DYNC1H1: variants seen among roughly 807,000 people sequenced by gnomAD.
The protein encoded by DYNC1H1 is dynein cytoplasmic 1 heavy chain 1, also known as cytoplasmic dynein 1 heavy chain 1.
DYNC1H1 carries 51 observed loss-of-function variants against 527.1 expected under a neutral mutation model. The observed-to-expected ratio is 0.10, with a 90% CI of 0.08 to 0.12. DYNC1H1 has a LOEUF of 0.12. Among genes scored for constraint, DYNC1H1 ranks in the 10% least tolerant of loss-of-function variants. The pLI, the probability that DYNC1H1 is intolerant of heterozygous loss-of-function variation, is 1.00. For synonymous variants in DYNC1H1, 2,189 were observed against 2,278.8 expected, an observed-to-expected ratio of 0.96 and a Z score of 1.12; for missense variants, 2,771 against 5,971.8, an observed-to-expected ratio of 0.46 and a Z score of 17.66.
Position 102,017,705 on chromosome 14 carries a change from G to A in DYNC1H1, c.8177+201G>A, listed in dbSNP as rs887990711. The A allele has an allele frequency of 1.9e-5, 19 of 1,006,238 alleles. No homozygotes were observed. The highest frequency in any genetic ancestry group is 3.1e-4 in the Middle Eastern group (1 of 3,176). The allele number at this position is 1,006,238 out of a possible 1,614,324, so 62.3% of individuals were successfully genotyped here. On this transcript the variant is annotated intron_variant, in intron 40 of 77. Coordinates refer to ENST00000360184, the MANE Select transcript of DYNC1H1 (RefSeq NM_001376.5). This position sits in a 1 kb window ranked among gnomAD's most constrained non-coding sequence, Gnocchi z 4.6. ...GCATTGGCCGGGCGCAGTGGCTTAC[G>A]CCTATAATCCCAGCACTTTGGGAGG...
chr14:101,986,846 C>G lies in DYNC1H1; in HGVS notation c.2538+83C>G. The G allele has an allele frequency of 6.7e-7, 1 of 1,499,166 alleles. No homozygotes were observed. Among genetic ancestry groups the G allele is most frequent in the African/African-American group, 1.4e-5 (1 of 72,816 alleles). The allele number at this position is 1,499,166 out of a possible 1,614,324, so 92.9% of individuals were successfully genotyped here. A position where few individuals can be genotyped will look rare whatever the true frequency, so the allele number is the denominator to read the frequency against. On this transcript the variant is annotated intron_variant, in intron 8 of 77. Transcript: ENST00000360184. This position sits in a 1 kb window ranked among gnomAD's most constrained non-coding sequence, Gnocchi z 8.7. ...AGCTCAGTTAAAACACTAGTTCTCC[C>G]GAAGAAGGCATGCATGGTTGATGCA...
At position 102,010,115 on chromosome 14, in the gene DYNC1H1, T is replaced by C. The variant is rs768333698; in HGVS notation, c.6221+29T>C. 7.4e-6 allele frequency: 12 copies of C among 1,613,262 alleles called. No homozygotes were observed. The African/African-American group carries it at 1.6e-4, about 22-fold the overall frequency. On this transcript the variant is annotated intron_variant, in intron 30 of 77. Coordinates refer to ENST00000360184, the MANE Select transcript of DYNC1H1 (RefSeq NM_001376.5). The surrounding 1 kb of genome is among the most constrained non-coding windows in gnomAD (Gnocchi z 6.0). ...AGTAGCCTAGAATTCTTCATAATCA[T>C]GTTTCTTGCATATGTTAAATGTGTC...
intron 56 of DYNC1H1, chr14:102,035,319 CTAGT>C (rs1474942610): frequency 1.3e-5 from 2 of 152,198 alleles, no homozygotes; most frequent in Non-Finnish European, 2.9e-5. Context: ...CTGAAAATAG[CTAGT>C]TAAAGGGGAA....
intron 5 of DYNC1H1, 121 bp downstream of exon 5, chr14:101,980,671 C>A: frequency 8.7e-7 from 1 of 1,151,788 alleles, no homozygotes; most frequent in Non-Finnish European, 1.2e-6. Flanking sequence ...TTAACCATTT[C>A]CTTTCTTACA....
Position 102,011,825 on chromosome 14 carries a change from C to G in DYNC1H1, c.6619-50C>G. On this transcript the variant is annotated intron_variant, in intron 32 of 77. Transcript: ENST00000360184. This position sits in a 1 kb window ranked among gnomAD's most constrained non-coding sequence, Gnocchi z 5.3. ...AGAGGTGGCTGGGCGAGGAGCTGTC[C>G]CCATTCCTCCTCTGGGATGGTCACT... 6.3e-7 allele frequency: 1 copy of G among 1,579,528 alleles called. No homozygotes were observed. The highest frequency in any genetic ancestry group is 1.3e-5 in the African/African-American group (1 of 74,374).
rs202110844 is a variant in DYNC1H1, at chr14:101,979,309, T to G, written c.345-10T>G. 1,434 of 1,613,838 alleles carry G rather than the reference T, an allele frequency of 8.9e-4. 1 individual carries two copies. Among genetic ancestry groups the G allele is most frequent in the Non-Finnish European group, 1.1e-3 (1,326 of 1,179,896 alleles). The stretch of plus-strand genomic sequence containing the variant: ...ACTTTTCTAATTTCTTGTTTTATTT[T>G]TCTTTTTAGCTTGGCATTCATTAAA... On this transcript the variant is annotated splice_polypyrimidine_tract_variant and intron_variant, in intron 2 of 77. Transcript: ENST00000360184. This position sits in a 1 kb window ranked among gnomAD's most constrained non-coding sequence, Gnocchi z 4.6.
In DYNC1H1 at chr14:102,049,178, T is replaced by C. The variant is rs964092880; in HGVS notation, c.13373-262T>C. The C allele has an allele frequency of 1.6e-5, 9 of 550,390 alleles. No homozygotes were observed. The African/African-American group carries it at 1.7e-4, about 10-fold the overall frequency. 34.1% of individuals were successfully genotyped at this position (550,390 alleles called of 1,614,324 possible). On this transcript the variant is annotated intron_variant, in intron 74 of 77. Coordinates refer to ENST00000360184, the MANE Select transcript of DYNC1H1 (RefSeq NM_001376.5). The surrounding 1 kb of genome is among the most constrained non-coding windows in gnomAD (Gnocchi z 5.5). ...CCGCGGTTTTGCTTGGATGTGATTA[T>C]GGTCCTCCAGAAAGACACACCTGGA...
At chr14:102,000,541 C>T (rs1374198735) in intron 18 of DYNC1H1, 142 bp downstream of exon 18, 4 of 743,514 alleles carry the variant, frequency 5.4e-6, no homozygotes, top group African/African-American at 3.6e-5. Flanking sequence ...TTACATTATT[C>T]GTCCAAAATA....
At chr14:102,003,447 AGATGGGTTTTC>A (rs2048155058) in intron 23 of DYNC1H1, among the ~76,000 whole-genome samples, 1 of 151,914 alleles carries the variant, frequency 6.6e-6, no homozygotes, top group African/African-American at 2.4e-5. Flanking sequence ...TTTTTAGTAG[AGATGGGTTTTC>A]GCCATGTTGG....
At chr14:102,014,508 C>A (rs2048296863) in intron 34 of DYNC1H1, among the ~76,000 whole-genome samples, 2 of 144,870 alleles carry the variant, frequency 1.4e-5, no homozygotes, top group African/African-American at 5.2e-5. Flanking sequence ...CGAGCCTGGG[C>A]AACAGGAGCA....
rs199542773 is a variant in DYNC1H1 at position 102,022,908 on chromosome 14, A to G, written c.8637+28A>G. The G allele has an allele frequency of 1.2e-4, 200 of 1,614,044 alleles. No homozygotes were observed. The African/African-American group carries it at 2.4e-3, about 19-fold the overall frequency. ...AGCAAACTCGCATCATTTCAGACATACTTCTTTTTCTGCCATCCCTTTCTA... is the reference window on the plus strand; with the variant it reads ...AGCAAACTCGCATCATTTCAGACATGCTTCTTTTTCTGCCATCCCTTTCTA... On this transcript the variant is annotated intron_variant, in intron 43 of 77. Coordinates refer to ENST00000360184, the MANE Select transcript of DYNC1H1 (RefSeq NM_001376.5).
At chr14:102,035,638 C>T (rs145692574) in intron 56 of DYNC1H1, 1 of 152,324 alleles carries the variant, frequency 6.6e-6, no homozygotes, top group Admixed American at 6.5e-5. Flanking sequence ...CCCACCACGC[C>T]GTGGTGCTGG....
At chr14:102,035,390 G>A (rs2048562095) in intron 56 of DYNC1H1, 1 of 152,344 alleles carries the variant, frequency 6.6e-6, no homozygotes. Flanking sequence ...TGTAACTGCA[G>A]TGAAGATGGG....
Position 102,012,326 on chromosome 14 carries a change from C to T in DYNC1H1, c.6870C>T (p.Ser2290=), listed in dbSNP as rs768991876. ...FTHVLRKIID[S]VRGELQKRQW... ...CCTTCCCAACCAGGATCATCGACAG[C>T]GTGAGAGGCGAGCTGCAGAAGCGCC... Residue 2290 remains serine (S), a synonymous_variant, in exon 34 of 78, where the codon AGC becomes AGT. Transcript: ENST00000360184. The surrounding 1 kb of genome is among the most constrained non-coding windows in gnomAD (Gnocchi z 4.9). The T allele has an allele frequency of 2.1e-5, 34 of 1,614,068 alleles. No individual in the cohort carries two copies. The highest frequency in any genetic ancestry group is 1.6e-4 in the Middle Eastern group (1 of 6,084).
intron 69 of DYNC1H1, chr14:102,043,539 A>G (rs2048678227): frequency 2.7e-6 from 1 of 375,106 alleles, no homozygotes; most frequent in Non-Finnish European, 5.1e-6. Context: ...TGAAGACCGA[A>G]ACTCTTGGGC....
In DYNC1H1 at chr14:102,016,273, G is replaced by A; in HGVS notation, c.7474-76G>A. 1 of 1,585,522 alleles carries A rather than the reference G, an allele frequency of 6.3e-7. No individual in the cohort carries two copies. Among genetic ancestry groups the A allele is most frequent in the East Asian group, 2.3e-5 (1 of 43,428 alleles). On this transcript the variant is annotated intron_variant, in intron 36 of 77. Transcript: ENST00000360184. The surrounding 1 kb of genome is among the most constrained non-coding windows in gnomAD (Gnocchi z 7.3). ...GAAGACTGGGAACCACTGTCTTTAG[G>A]TTAACTTTGCTGTAAGTGTCTTTCT...
At position 102,042,677 on chromosome 14, in the gene DYNC1H1, G is replaced by A. The variant is rs1460347715; in HGVS notation, c.12442G>A (p.Glu4148Lys). ...LLRAGRIFVF[E>K]PPPGVKANML... ...CCGTGCGGGCCGCATCTTTGTGTTCGAGCCACCGCCAGGGGTGAAGGCCAA... is the reference window on the plus strand; with the variant it reads ...CCGTGCGGGCCGCATCTTTGTGTTCAAGCCACCGCCAGGGGTGAAGGCCAA... Residue 4148 changes from glutamate to lysine, a missense_variant, in exon 69 of 78, where the codon GAG becomes AAG. Physicochemically the swap from Glu to Lys is moderately conservative, Grantham distance 56. Transcript: ENST00000360184. The surrounding 1 kb of genome is among the most constrained non-coding windows in gnomAD (Gnocchi z 5.7). The A allele has an allele frequency of 8.1e-6, 13 of 1,614,140 alleles. No individual in the cohort carries two copies. Among genetic ancestry groups the A allele is most frequent in the Non-Finnish European group, 1.0e-5 (12 of 1,180,050 alleles).
chr14:101,974,291 G>T (rs1336591063), intron 1 of DYNC1H1, among the ~76,000 whole-genome samples: 1 of 152,002 alleles, frequency 6.6e-6, no homozygotes, highest in Non-Finnish European at 1.5e-5. Flanking sequence ...CAGAGACGGG[G>T]TTTCTCCTTG....
chr14:102,043,448 G>A, intron 69 of DYNC1H1: 2 of 323,096 alleles, frequency 6.2e-6, no homozygotes, highest in South Asian at 5.3e-5. Flanking sequence ...GGGACTCAGA[G>A]TTGTGTCCCC....
Sources: gnomAD v4.1 joint callset for allele counts (sites outside exome capture counted in the v4.1 genomes callset) on GRCh38, gnomAD v4.1.1 for gene constraint, Gnocchi (gnomAD v3.1) non-coding constraint, MANE v1.5 for transcripts, NCBI Gene and HGNC (gene_info 2026-07-23, HGNC 2026-07-21) for gene names.